Variants in MPP7 observed in about 807,000 individuals in gnomAD.
The protein encoded by MPP7 is MAGUK p55 subfamily member 7.
In MPP7, 60 loss-of-function variants were observed where a neutral mutation model predicts 76.5. The ratio of observed to expected loss-of-function variants is 0.78; its 90% CI spans 0.64 to 0.97. MPP7 has a LOEUF of 0.97. Ranked by LOEUF, MPP7 falls within the 50% of genes least tolerant of loss-of-function variation. MPP7 has a pLI of 0.00. For synonymous variants in MPP7, 237 were observed against 244.5 expected, an observed-to-expected ratio of 0.97 and a Z score of 0.29; for missense variants, 641 against 694.0, an observed-to-expected ratio of 0.92 and a Z score of 0.86.
At chr10:28,072,854 G>T (rs1375647084) in intron 12 of MPP7, among the ~76,000 whole-genome samples, 1 of 152,092 alleles carries the variant, frequency 6.6e-6, no homozygotes, top group African/African-American at 2.4e-5. Flanking sequence ...GGTCATATAA[G>T]GACATTTCAC....
intron 3 of MPP7, among the ~76,000 whole-genome samples, chr10:28,184,897 A>G (rs1837180934): frequency 1.4e-5 from 2 of 147,186 alleles, no homozygotes; most frequent in African/African-American, 4.9e-5. Flanking sequence ...ATATAAAATA[A>G]GTTCTTTCAA....
chr10:28,262,973 T>C (rs1840039615), intron 1 of MPP7, among the ~76,000 whole-genome samples: 2 of 152,194 alleles, frequency 1.3e-5, no homozygotes, highest in East Asian at 3.9e-4. Flanking sequence ...CGAGAATCGC[T>C]TGAACCCAGG....
chr10:28,322,653 ACT>A (rs1417068914), intron 2 of MPP7, among the ~76,000 whole-genome samples: 2 of 151,848 alleles, frequency 1.3e-5, no homozygotes, highest in Middle Eastern at 3.2e-3. Flanking sequence ...GCACAGCCAC[ACT>A]CTGTCACTTC....
chr10:28,315,063 G>T (rs1834303183), intron 2 of MPP7, among the ~76,000 whole-genome samples: 1 of 151,978 alleles, frequency 6.6e-6, no homozygotes, highest in Non-Finnish European at 1.5e-5. Context: ...CAGAAAGATT[G>T]CTTGAGCCCA....
At chr10:28,294,552 T>TA in intron 1 of MPP7, among the ~76,000 whole-genome samples, 1 of 152,342 alleles carries the variant, frequency 6.6e-6, no homozygotes, top group East Asian at 1.9e-4. Context: ...GCTATGCCTC[T>TA]AAAAAATGTT....
chr10:28,121,715 G>A (rs1201188650), intron 8 of MPP7, among the ~76,000 whole-genome samples: 1 of 151,754 alleles, frequency 6.6e-6, no homozygotes, highest in African/African-American at 2.4e-5. Context: ...TAAATACTTG[G>A]CACATTTGAA....
chr10:28,156,298 A>G (rs1406252828), intron 3 of MPP7, among the ~76,000 whole-genome samples: 1 of 152,220 alleles, frequency 6.6e-6, no homozygotes, highest in East Asian at 1.9e-4. Context: ...GTTCTGGAAA[A>G]TAGAAAACAC....
chr10:28,195,907 T>C (rs1203865851), intron 3 of MPP7, among the ~76,000 whole-genome samples: 1 of 152,204 alleles, frequency 6.6e-6, no homozygotes, highest in Non-Finnish European at 1.5e-5. Flanking sequence ...AACCACTGAA[T>C]TGTATGTTTT....
At position 28,125,025 on chromosome 10, in the gene MPP7, C is replaced by T; in HGVS notation, c.514G>A (p.Ala172Thr). 6.2e-7 allele frequency: 1 copy of T among 1,613,866 alleles called. No individual in the cohort carries two copies. The part of the protein sequence containing the change: ...IIVARIMRGG[A>T]ADRSGLIHVG... ...AAAGTCTCACCACTTCTATCTGCAG[C>T]TCCTCCTCTCATGATTCTGGCCACA... Residue 172 changes from alanine (A) to threonine (T), a missense_variant, in exon 7 of 17, where the codon GCT becomes ACT. Ala to Thr is a moderately conservative substitution (Grantham distance 58). Coordinates refer to ENST00000683449, the MANE Select transcript of MPP7 (RefSeq NM_001318170.2).
chr10:28,107,629 GTTTTC>G (rs755717806), intron 11 of MPP7, among the ~76,000 whole-genome samples: 52 of 152,248 alleles, frequency 3.4e-4, no homozygotes, highest in African/African-American at 9.4e-4. Context: ...CCTGGAGACT[GTTTTC>G]TTTTGCTGTT....
intron 3 of MPP7, among the ~76,000 whole-genome samples, chr10:28,160,695 TG>T (rs1230570097): frequency 9.2e-5 from 14 of 152,336 alleles, no homozygotes; most frequent in African/African-American, 3.4e-4. Context: ...GCAGAACTCA[TG>T]GTGAACTATA....
chr10:28,108,325 A>G (rs540806686), intron 11 of MPP7, among the ~76,000 whole-genome samples: 2 of 152,298 alleles, frequency 1.3e-5, no homozygotes, highest in East Asian at 3.9e-4. Context: ...CATAATTATT[A>G]ATCTTAAAAT....
At chr10:28,291,333 C>T (rs1008966746) in intron 1 of MPP7, among the ~76,000 whole-genome samples, 1 of 152,110 alleles carries the variant, frequency 6.6e-6, no homozygotes, top group Non-Finnish European at 1.5e-5. Context: ...TGGCAGGGTA[C>T]GGTGGCTCAC....
rs1033175706 is a variant in MPP7 at position 28,120,201 on chromosome 10, G to A, written c.880C>T (p.Gln294Ter). The A allele has an allele frequency of 5.0e-6, 8 of 1,612,576 alleles. No homozygotes were observed. The highest frequency in any genetic ancestry group is 2.7e-5 in the African/African-American group (2 of 74,856). The change falls in exon 10 of 17, where the codon CAG becomes TAG. Residue 294 changes from glutamine to a stop codon, truncating the protein, a stop_gained. Coordinates refer to ENST00000683449, the MANE Select transcript of MPP7 (RefSeq NM_001318170.2). LOFTEE classifies it high-confidence loss of function. ...RAGLIPSKHF[Q>*]ERRLALRRPE... ...TATGTACCAGCAGCTCACCTTTCCTGGAAATGCTTTGAGGGGATCAAGCCT... is the reference window on the plus strand; with the variant it reads ...TATGTACCAGCAGCTCACCTTTCCTAGAAATGCTTTGAGGGGATCAAGCCT...
intron 4 of MPP7, among the ~76,000 whole-genome samples, chr10:28,147,841 G>C (rs991120179): frequency 3.9e-5 from 6 of 152,132 alleles, no homozygotes; most frequent in African/African-American, 1.4e-4. Context: ...CCAGCACTTC[G>C]TCCATGTGAA....
intron 1 of MPP7, among the ~76,000 whole-genome samples, chr10:28,252,973 T>G (rs11006953): frequency 0.12 from 18,313 of 151,996 alleles, 1,133 homozygotes; most frequent in South Asian, 0.14. Flanking sequence ...AGTGGCACTA[T>G]CTTGGCTCAC....
At chr10:28,058,405 A>G in intron 15 of MPP7, 90 bp downstream of exon 15, 1 of 606,582 alleles carries the variant, frequency 1.6e-6, no homozygotes, top group Non-Finnish European at 2.7e-6. Flanking sequence ...AAGTGAGTTG[A>G]CTTCATATTA....
At chr10:28,068,928 CA>C (rs34262872) in intron 13 of MPP7, among the ~76,000 whole-genome samples, 1 of 152,062 alleles carries the variant, frequency 6.6e-6, no homozygotes, top group Non-Finnish European at 1.5e-5. Context: ...AATATTCTGC[CA>C]AAAATCTGTG....
chr10:28,133,164 A>G (rs772128961), intron 5 of MPP7, among the ~76,000 whole-genome samples: 11 of 152,232 alleles, frequency 7.2e-5, no homozygotes, highest in Admixed American at 1.3e-4. Context: ...GGAGCACTCC[A>G]GTATCTTTAA....
Sources: gnomAD v4.1 joint callset for allele counts (sites outside exome capture counted in the v4.1 genomes callset) on GRCh38, gnomAD v4.1.1 for gene constraint, MANE v1.5 for transcripts, NCBI Gene and HGNC (gene_info 2026-07-23, HGNC 2026-07-21) for gene names.